Variants in KIAA1549L observed in about 807,000 individuals in gnomAD.
The protein encoded by KIAA1549L is KIAA1549 like.
In KIAA1549L, 88 loss-of-function variants were observed where a neutral mutation model predicts 160.7. That is an observed-to-expected ratio of 0.55 (90% CI 0.46 to 0.65). The LOEUF (loss-of-function observed/expected upper bound fraction) is 0.65, where lower values mean the gene tolerates loss of function less well. KIAA1549L is among the 30% of genes least tolerant of loss of function. KIAA1549L has a pLI of 0.00. For missense variants in KIAA1549L, 2,258 were observed against 2,437.5 expected (o/e 0.93, Z 1.55); for synonymous variants, 950 against 976.7 (o/e 0.97, Z 0.51).
chr11:33,585,939 T>A (rs889144453), intron 11 of KIAA1549L, among the ~76,000 whole-genome samples: 1 of 152,170 alleles, frequency 6.6e-6, no homozygotes, highest in Admixed American at 6.5e-5. Flanking sequence ...GTTTTCCCCC[T>A]CCATGAGGCT....
intron 10 of KIAA1549L, among the ~76,000 whole-genome samples, chr11:33,580,070 C>A (rs931959322): frequency 6.6e-6 from 1 of 152,146 alleles, no homozygotes; most frequent in Non-Finnish European, 1.5e-5. Context: ...CATGCAGTGC[C>A]CACGTGACTC....
chr11:33,500,804 GAGAAA>G lies in KIAA1549L; in HGVS notation c.239-40992_239-40988del, dbSNP rs142583131. Among the ~76,000 whole-genome samples, 1,070 of 152,044 alleles carry G rather than the reference GAGAAA, an allele frequency of 7.0e-3. 15 individuals are homozygous for G. Among genetic ancestry groups the G allele is most frequent in the African/African-American group, 0.025 (1,033 of 41,472 alleles). The stretch of plus-strand genomic sequence containing the variant: ...ATACAAATGTTGTATATGAATAAAA[GAGAAA>G]AGAAATGTAGGCAACACCTTTTCAT... On this transcript the variant is annotated intron_variant, in intron 1 of 20. Transcript: ENST00000658780.
intron 7 of KIAA1549L, 89 bp downstream of exon 7, chr11:33,560,000 T>C: frequency 2.3e-6 from 1 of 441,184 alleles, no homozygotes; most frequent in Non-Finnish European, 3.2e-6. Context: ...GGCCACATAC[T>C]ACCACCTTTA....
intron 1 of KIAA1549L, among the ~76,000 whole-genome samples, chr11:33,481,181 TA>T (rs1011498531): frequency 2.6e-5 from 4 of 152,206 alleles, no homozygotes; most frequent in Non-Finnish European, 5.9e-5. Context: ...GGGCTTTTTG[TA>T]TATATTTATA....
At chr11:33,581,378 CTTCA>C (rs1245510371) in intron 10 of KIAA1549L, among the ~76,000 whole-genome samples, 2 of 148,606 alleles carry the variant, frequency 1.3e-5, no homozygotes, top group Non-Finnish European at 3.0e-5. Flanking sequence ...GACTGTTTGA[CTTCA>C]TTCCTTCTGA....
chr11:33,424,962 G>A (rs1426934408), intron 1 of KIAA1549L, among the ~76,000 whole-genome samples: 1 of 152,188 alleles, frequency 6.6e-6, no homozygotes, highest in Non-Finnish European at 1.5e-5. Flanking sequence ...GAGACCATGG[G>A]TCTCCAGTAT....
chr11:33,530,435 AAATATATATATATATATATATAT>A (rs1344886242), intron 1 of KIAA1549L, among the ~76,000 whole-genome samples: 3 of 7,074 alleles, frequency 4.2e-4, no homozygotes, highest in African/African-American at 1.8e-3. Flanking sequence ...AAAAAAAAAA[AAATATATATATATATATATATAT>A]ATATATATAT....
rs1852559568 is a variant in KIAA1549L, at chr11:33,668,394, T to A, written c.*240T>A. On this transcript the variant is annotated 3_prime_UTR_variant, in exon 21 of 21. Transcript: ENST00000658780. ...TTGGGGCCTTATGTTTGATACTCTCTCATGTCAAATGTTTGAACTTTGGGC... is the reference window on the plus strand; with the variant it reads ...TTGGGGCCTTATGTTTGATACTCTCACATGTCAAATGTTTGAACTTTGGGC... 1.8e-6 allele frequency: 1 copy of A among 555,340 alleles called. No homozygotes were observed. The allele number at this position is 555,340 out of a possible 1,614,324, so 34.4% of individuals were successfully genotyped here.
chr11:33,477,516 CACAA>C (rs745766913), intron 1 of KIAA1549L, among the ~76,000 whole-genome samples: 503 of 150,930 alleles, frequency 3.3e-3, no homozygotes, highest in East Asian at 0.02. Context: ...CGCACACACA[CACAA>C]ACACACACAC....
At position 33,542,944 on chromosome 11, in the gene KIAA1549L, G is replaced by C; in HGVS notation, c.1381G>C (p.Ala461Pro). The C allele has an allele frequency of 1.9e-6, 3 of 1,614,000 alleles. No individual in the cohort carries two copies. The highest frequency in any genetic ancestry group is 2.5e-6 in the Non-Finnish European group (3 of 1,179,896). ...SAAPENSRGP[A>P]LSAEHTSSLV... ...AGCTCCAGAGAATTCCAGAGGGCCC[G>C]CCCTTTCGGCAGAACACACCTCTTC... Residue 461 changes from alanine (A) to proline (P), a missense_variant, in exon 2 of 21, where the codon GCC becomes CCC. This residue lies in a region of KIAA1549L where 540 missense variants were observed against 465.7 expected (regional missense o/e 1.16). Transcript: ENST00000658780.
intron 6 of KIAA1549L, among the ~76,000 whole-genome samples, chr11:33,558,639 G>T (rs142863958): frequency 6.6e-6 from 1 of 152,302 alleles, no homozygotes; most frequent in Non-Finnish European, 1.5e-5. Flanking sequence ...AATCTCATCT[G>T]TAGGATATTT....
intron 1 of KIAA1549L, among the ~76,000 whole-genome samples, chr11:33,398,950 G>GTTT (rs71034680): frequency 1.4e-5 from 2 of 140,012 alleles, no homozygotes; most frequent in African/African-American, 2.6e-5. Flanking sequence ...TCCAGTGAGT[G>GTTT]TTTTTTTTTT....
At chr11:33,648,756 T>C (rs1436952605) in intron 17 of KIAA1549L, among the ~76,000 whole-genome samples, 2 of 151,924 alleles carry the variant, frequency 1.3e-5, no homozygotes. Context: ...ATAATGGATC[T>C]ATGCCAAGCA....
chr11:33,652,959 G>A (rs1851940493), intron 17 of KIAA1549L, among the ~76,000 whole-genome samples: 1 of 152,208 alleles, frequency 6.6e-6, no homozygotes, highest in Admixed American at 6.5e-5. Context: ...ACGTTTGGAA[G>A]CTTGTGAGAT....
chr11:33,488,557 A>G (rs1565156203), intron 1 of KIAA1549L, among the ~76,000 whole-genome samples: 1 of 152,270 alleles, frequency 6.6e-6, no homozygotes, highest in East Asian at 1.9e-4. Flanking sequence ...GTATCAACTC[A>G]TTCAGTAAAA....
chr11:33,607,599 T>C (rs1850541031), intron 14 of KIAA1549L, among the ~76,000 whole-genome samples: 1 of 152,220 alleles, frequency 6.6e-6, no homozygotes, highest in South Asian at 2.1e-4. Flanking sequence ...AAGCTCTTAA[T>C]TTTTCTCTGT....
chr11:33,399,839 G>A (rs1850462556), intron 1 of KIAA1549L, among the ~76,000 whole-genome samples: 3 of 152,228 alleles, frequency 2.0e-5, no homozygotes, highest in African/African-American at 7.2e-5. Flanking sequence ...GATAGGAGGA[G>A]ATGGCCATGT....
Position 33,541,933 on chromosome 11 carries a change from G to A in KIAA1549L, c.370G>A (p.Val124Met), listed in dbSNP as rs1258955920. Residue 124 changes from valine to methionine, a missense_variant, in exon 2 of 21, where the codon GTG becomes ATG. Physicochemically the swap from Val to Met is conservative, Grantham distance 21 (BLOSUM62 1). Transcript: ENST00000658780. ...CTCAGCAGCAGACAGAATCAAGACC[G>A]TGCTGGGACAGTCCTCTGACAACAC... ...SSSAADRIKT[V>M]LGQSSDNTSL... is the part of the protein sequence containing the mutation. 9 of 355,360 alleles carry A rather than the reference G, an allele frequency of 2.5e-5. No individual in the cohort carries two copies. Among genetic ancestry groups the A allele is most frequent in the South Asian group, 6.4e-5 (3 of 47,160 alleles). The allele number at this position is 355,360 out of a possible 1,614,324, so 22.0% of individuals were successfully genotyped here.
At chr11:33,472,311 G>A (rs1384061211) in intron 1 of KIAA1549L, among the ~76,000 whole-genome samples, 2 of 135,812 alleles carry the variant, frequency 1.5e-5, no homozygotes, top group African/African-American at 5.5e-5. Context: ...TGTAGAAACA[G>A]GGTCTCATTA....
Sources: allele counts gnomAD v4.1 joint callset (sites outside exome capture counted in the v4.1 genomes callset), GRCh38; gene constraint gnomAD v4.1.1; regional missense constraint gnomAD v4.1.1; transcripts MANE v1.5; gene names NCBI Gene and HGNC (gene_info 2026-07-23, HGNC 2026-07-21).